ADAMTSL1: variants seen among roughly 807,000 people sequenced by gnomAD.
The protein encoded by ADAMTSL1 is ADAMTS like 1.
Under a neutral mutation model 201.8 loss-of-function variants are expected in ADAMTSL1, and 126 were observed. The ratio of observed to expected loss-of-function variants is 0.62; its 90% CI spans 0.54 to 0.72. The LOEUF is 0.72. Among genes scored for constraint, ADAMTSL1 ranks in the 30% least tolerant of loss-of-function variants. ADAMTSL1 has a pLI of 0.00. For missense variants in ADAMTSL1, 2,679 were observed against 2,277.8 expected (o/e 1.18, Z -3.59); for synonymous variants, 1,121 against 903.4 (o/e 1.24, Z -4.32).
At chr9:18,339,302 CA>C (rs1835372788) in intron 2 of ADAMTSL1, among the ~76,000 whole-genome samples, 1 of 152,054 alleles carries the variant, frequency 6.6e-6, no homozygotes, top group Non-Finnish European at 1.5e-5. Flanking sequence ...AGGACATGAA[CA>C]GACACTTTTC....
intron 14 of ADAMTSL1, among the ~76,000 whole-genome samples, chr9:18,707,397 C>G (rs758593422): frequency 2.0e-5 from 3 of 152,226 alleles, no homozygotes; most frequent in Non-Finnish European, 2.9e-5. Flanking sequence ...CTGCCCTTGC[C>G]TCAGTGCATG....
intron 1 of ADAMTSL1, among the ~76,000 whole-genome samples, chr9:18,015,783 A>G (rs981698570): frequency 6.6e-6 from 1 of 151,998 alleles, no homozygotes; most frequent in Non-Finnish European, 1.5e-5. Flanking sequence ...TTCAAAAAAT[A>G]TGCCTGGATC....
At chr9:18,790,743 C>A (rs540844910) in intron 19 of ADAMTSL1, among the ~76,000 whole-genome samples, 1 of 150,536 alleles carries the variant, frequency 6.6e-6, no homozygotes, top group African/African-American at 2.4e-5. Flanking sequence ...ATAAAGGCCC[C>A]CAGAAAAACA....
At chr9:18,630,225 T>G (rs1826667731) in intron 5 of ADAMTSL1, among the ~76,000 whole-genome samples, 1 of 152,176 alleles carries the variant, frequency 6.6e-6, no homozygotes, top group Non-Finnish European at 1.5e-5. Flanking sequence ...GGCGGGACCT[T>G]TCTGAGTAGA....
intron 2 of ADAMTSL1, among the ~76,000 whole-genome samples, chr9:18,355,595 G>GACTA (rs1244187742): frequency 2.0e-5 from 3 of 152,272 alleles, no homozygotes; most frequent in Admixed American, 6.5e-5. Flanking sequence ...TTCTGTTTCA[G>GACTA]ACTAGTCCAT....
At chr9:17,992,162 C>T (rs1819182015) in intron 1 of ADAMTSL1, among the ~76,000 whole-genome samples, 1 of 152,052 alleles carries the variant, frequency 6.6e-6, no homozygotes, top group South Asian at 2.1e-4. Flanking sequence ...TTTCCCACAC[C>T]CCTGTCCAGG....
intron 14 of ADAMTSL1, among the ~76,000 whole-genome samples, chr9:18,711,303 A>T (rs981216476): frequency 6.6e-6 from 1 of 152,184 alleles, no homozygotes; most frequent in Non-Finnish European, 1.5e-5. Flanking sequence ...TACGCAGAAG[A>T]CGGGTGATTT....
chr9:18,254,861 A>G (rs1311508609), intron 2 of ADAMTSL1, among the ~76,000 whole-genome samples: 3 of 152,144 alleles, frequency 2.0e-5, no homozygotes, highest in African/African-American at 7.2e-5. Context: ...AATCTGATAC[A>G]TAAGGAGCTA....
intron 1 of ADAMTSL1, among the ~76,000 whole-genome samples, chr9:18,027,148 C>A (rs929216508): frequency 6.7e-6 from 1 of 149,712 alleles, no homozygotes. Flanking sequence ...ACTTGTTGAT[C>A]CTTTCATAGA....
chr9:18,074,023 A>C (rs745384311), intron 1 of ADAMTSL1, among the ~76,000 whole-genome samples: 6 of 151,958 alleles, frequency 3.9e-5, no homozygotes, highest in Admixed American at 2.6e-4. Context: ...AGGAGGAAGT[A>C]GGCTTGTTTA....
chr9:18,555,806 A>G (rs1264984073), intron 3 of ADAMTSL1, among the ~76,000 whole-genome samples: 1 of 151,988 alleles, frequency 6.6e-6, no homozygotes, highest in Non-Finnish European at 1.5e-5. Context: ...AAATATGCCA[A>G]CATCAAGTGT....
chr9:17,940,712 CAAAA>C (rs60466124), intron 1 of ADAMTSL1, among the ~76,000 whole-genome samples: 4 of 88,674 alleles, frequency 4.5e-5, no homozygotes, highest in Non-Finnish European at 8.5e-5. Context: ...GCATAACGTG[CAAAA>C]AAAAAAAAAA....
At chr9:18,079,890 AAAG>A (rs1221130757) in intron 1 of ADAMTSL1, among the ~76,000 whole-genome samples, 3 of 152,108 alleles carry the variant, frequency 2.0e-5, no homozygotes, top group Non-Finnish European at 2.9e-5. Context: ...AGCTGGACAA[AAAG>A]AAGAACTGAA....
chr9:17,931,195 A>G (rs1826769183), intron 1 of ADAMTSL1, among the ~76,000 whole-genome samples: 1 of 152,170 alleles, frequency 6.6e-6, no homozygotes, highest in East Asian at 1.9e-4. Flanking sequence ...GCCAAAGCTT[A>G]CCTGGCCATC....
At chr9:18,661,190 T>C (rs948750485) in intron 8 of ADAMTSL1, among the ~76,000 whole-genome samples, 21 of 152,182 alleles carry the variant, frequency 1.4e-4, no homozygotes, top group Admixed American at 6.5e-5. Context: ...TACTCAACAA[T>C]ACTTTTTTTA....
intron 2 of ADAMTSL1, among the ~76,000 whole-genome samples, chr9:18,346,600 C>A (rs1243715346): frequency 6.6e-6 from 1 of 152,154 alleles, no homozygotes; most frequent in East Asian, 1.9e-4. Context: ...GTTACTCCCC[C>A]AGGAGTATAG....
intron 2 of ADAMTSL1, among the ~76,000 whole-genome samples, chr9:18,526,602 C>G (rs1031729449): frequency 3.9e-5 from 6 of 152,180 alleles, no homozygotes; most frequent in Non-Finnish European, 8.8e-5. Flanking sequence ...ATGTTTAGTG[C>G]TTCCTTCAGG....
intron 2 of ADAMTSL1, among the ~76,000 whole-genome samples, chr9:18,171,592 T>G (rs1563783055): frequency 2.0e-5 from 3 of 152,124 alleles, no homozygotes; most frequent in Non-Finnish European, 2.9e-5. Flanking sequence ...CTTTGTCAGA[T>G]GGACAGATTG....
chr9:18,090,342 G>T (rs1823954263), intron 1 of ADAMTSL1, among the ~76,000 whole-genome samples: 1 of 152,132 alleles, frequency 6.6e-6, no homozygotes, highest in African/African-American at 2.4e-5. Context: ...AAACAGGAAA[G>T]CAACTCATGT....
Sources: gnomAD v4.1 joint callset for allele counts (sites outside exome capture counted in the v4.1 genomes callset) on GRCh38, gnomAD v4.1.1 for gene constraint, MANE v1.5 for transcripts, NCBI Gene and HGNC (gene_info 2026-07-23, HGNC 2026-07-21) for gene names.